Variants in AKT3 observed in about 807,000 individuals in gnomAD.
AKT3 encodes RAC-gamma serine/threonine-protein kinase.
A neutral mutation model predicts 65.3 loss-of-function variants in AKT3; 15 were observed. That is an observed-to-expected ratio of 0.23 (90% CI 0.15 to 0.35). The LOEUF is 0.35. Ranked by LOEUF, AKT3 falls within the 10% of genes least tolerant of loss-of-function variation. AKT3 has a pLI of 1.00. For missense variants in AKT3, 243 were observed against 576.5 expected, an observed-to-expected ratio of 0.42 and a Z score of 5.92; for synonymous variants, 206 against 183.8, an observed-to-expected ratio of 1.12 and a Z score of -0.98.
At chr1:243,588,719 A>G (rs1299562291) in intron 8 of AKT3, among the ~76,000 whole-genome samples, 2 of 152,190 alleles carry the variant, frequency 1.3e-5, no homozygotes, top group Non-Finnish European at 2.9e-5. Flanking sequence ...CTTATCTTTC[A>G]TCATATCAAA....
intron 2 of AKT3, among the ~76,000 whole-genome samples, chr1:243,777,793 A>C (rs546081316): frequency 6.6e-6 from 1 of 152,334 alleles, no homozygotes; most frequent in East Asian, 1.9e-4. Flanking sequence ...CTGAAAGTAC[A>C]GATACTGATT....
intron 10 of AKT3, among the ~76,000 whole-genome samples, chr1:243,559,425 G>C (rs1673620678): frequency 6.6e-6 from 1 of 152,110 alleles, no homozygotes; most frequent in South Asian, 2.1e-4. Flanking sequence ...AAAGAGATAA[G>C]AGAACAAATA....
At chr1:243,615,226 T>C (rs1372867445) in intron 6 of AKT3, 65 bp from the exon 7 acceptor site, 2 of 1,282,500 alleles carry the variant, frequency 1.6e-6, no homozygotes, top group Admixed American at 1.9e-5. Context: ...AATTTCACTA[T>C]TTCTCTAAAA....
chr1:243,745,369 A>G (rs1688417084), intron 2 of AKT3, among the ~76,000 whole-genome samples: 1 of 152,176 alleles, frequency 6.6e-6, no homozygotes, highest in African/African-American at 2.4e-5. Flanking sequence ...TGGGCATATC[A>G]ATTTTTAAGA....
At chr1:243,791,359 G>C (rs1410382444) in intron 2 of AKT3, among the ~76,000 whole-genome samples, 1 of 151,762 alleles carries the variant, frequency 6.6e-6, no homozygotes, top group Non-Finnish European at 1.5e-5. Context: ...CAATGGGTAT[G>C]AGAGGCGAAC....
In AKT3 at chr1:243,762,969, C is replaced by A. The variant is rs554309813; in HGVS notation, c.47-67253G>T. Among the ~76,000 whole-genome samples the A allele has an allele frequency of 2.0e-4, 30 of 152,070 alleles. 1 individual carries two copies. The highest frequency in any genetic ancestry group is 7.0e-4 in the African/African-American group (29 of 41,524). The stretch of plus-strand genomic sequence containing the variant: ...ATTACTCAACTATGAAATCAAATAT[C>A]AAATTTTTCTACTGAATGAAAAATT... On this transcript the variant is annotated intron_variant, in intron 2 of 13. Transcript: ENST00000673466.
At chr1:243,674,683 T>A (rs1453241754) in intron 3 of AKT3, among the ~76,000 whole-genome samples, 1 of 152,222 alleles carries the variant, frequency 6.6e-6, no homozygotes, top group Admixed American at 6.5e-5. Context: ...AAAAGATTTA[T>A]AAAAACCAAA....
chr1:243,600,929 A>C (rs1676958051), intron 8 of AKT3, among the ~76,000 whole-genome samples: 1 of 152,084 alleles, frequency 6.6e-6, no homozygotes, highest in Non-Finnish European at 1.5e-5. Flanking sequence ...TCAGGGTGAG[A>C]GTGAGGGGAG....
At position 243,500,287 on chromosome 1, in the gene AKT3, C is replaced by T. The variant is rs777772187; in HGVS notation, c.*4962G>A. On this transcript the variant is annotated 3_prime_UTR_variant, in exon 14 of 14. Coordinates refer to ENST00000673466, the MANE Select transcript of AKT3 (RefSeq NM_005465.7). Reference sequence around the variant, plus strand: ...ATCAGACTCCATTTTATTTATTTATCGTCCTACTTTGTGCACAATCAATCA... The same window carrying T: ...ATCAGACTCCATTTTATTTATTTATTGTCCTACTTTGTGCACAATCAATCA... 6.5e-5 allele frequency: 14 copies of T among 214,666 alleles called. No homozygotes were observed. Among genetic ancestry groups the T allele is most frequent in the African/African-American group, 3.2e-4 (11 of 34,100 alleles). 13.3% of individuals were successfully genotyped at this position (214,666 alleles called of 1,614,324 possible).
intron 2 of AKT3, among the ~76,000 whole-genome samples, chr1:243,696,770 G>C (rs1026846428): frequency 6.6e-6 from 1 of 151,824 alleles, no homozygotes; most frequent in Non-Finnish European, 1.5e-5. Flanking sequence ...CCCTTAATAC[G>C]TTATATCTAC....
At chr1:243,597,054 T>G (rs867537821) in intron 8 of AKT3, among the ~76,000 whole-genome samples, 5 of 152,310 alleles carry the variant, frequency 3.3e-5, no homozygotes, top group Non-Finnish European at 5.9e-5. Context: ...GGATGTACTA[T>G]GGGTACAGGG....
Position 243,693,212 on chromosome 1 carries a change from G to A in AKT3, c.172+2379C>T, listed in dbSNP as rs1299583011. Among the ~76,000 whole-genome samples the A allele has an allele frequency of 5.8e-4, 61 of 105,202 alleles. 1 individual carries two copies. Among genetic ancestry groups the A allele is most frequent in the Admixed American group, 6.0e-4 (5 of 8,394 alleles). 69.0% of individuals were successfully genotyped at this position (105,202 alleles called of 152,430 possible). On this transcript the variant is annotated intron_variant, in intron 3 of 13. Transcript: ENST00000673466. ...ATCTTTAATTATCAGAAAAATGAGG[G>A]ATATATATATCCCTTTGGTAGCTAC... is the stretch of plus-strand genomic sequence containing the variant.
Position 243,783,461 on chromosome 1 carries a change from C to T in AKT3, c.46+59664G>A, listed in dbSNP as rs186341795. On this transcript the variant is annotated intron_variant, in intron 2 of 13. Coordinates refer to ENST00000673466, the MANE Select transcript of AKT3 (RefSeq NM_005465.7). ...TGCTCAGGCCCCTTCTGTACCTCAC[C>T]CTATATCTTCATCTGGACTAGGTAT... is the stretch of plus-strand genomic sequence containing the variant. Among the ~76,000 whole-genome samples, 73 of 152,184 alleles carry T rather than the reference C, an allele frequency of 4.8e-4. 1 individual carries two copies. Among genetic ancestry groups the T allele is most frequent in the African/African-American group, 1.8e-3 (73 of 41,504 alleles).
intron 2 of AKT3, chr1:243,808,193 G>A (rs962932921): frequency 1.3e-5 from 2 of 152,182 alleles, no homozygotes; most frequent in Admixed American, 6.5e-5. Flanking sequence ...TGACTTTGAC[G>A]AGTTGAGAGC....
chr1:243,812,109 C>T (rs369180768), intron 2 of AKT3, among the ~76,000 whole-genome samples: 40 of 152,186 alleles, frequency 2.6e-4, no homozygotes, highest in East Asian at 1.4e-3. Flanking sequence ...GACATAGGCA[C>T]GGGCAAGGAC....
At chr1:243,515,554 G>A (rs1473022260) in intron 12 of AKT3, among the ~76,000 whole-genome samples, 2 of 152,112 alleles carry the variant, frequency 1.3e-5, no homozygotes, top group Non-Finnish European at 1.5e-5. Flanking sequence ...GGTTTTGAAT[G>A]TTAAATCAAT....
chr1:243,488,924 T>A (rs560441877), intron 13 of AKT3: 30 of 1,594,984 alleles, frequency 1.9e-5, no homozygotes, highest in Non-Finnish European at 2.5e-5. Context: ...TGGTTCCCTA[T>A]CAGGGGCTTC....
chr1:243,547,158 G>A (rs1672735556), intron 11 of AKT3, among the ~76,000 whole-genome samples: 1 of 151,678 alleles, frequency 6.6e-6, no homozygotes, highest in African/African-American at 2.4e-5. Context: ...TTCTTCCACT[G>A]TGGCCAGTTT....
intron 10 of AKT3, among the ~76,000 whole-genome samples, chr1:243,556,111 T>C (rs868627278): frequency 2.0e-5 from 3 of 152,118 alleles, no homozygotes; most frequent in Non-Finnish European, 2.9e-5. Flanking sequence ...GCTGTATTTC[T>C]AATAGGAGCC....
Sources: gnomAD v4.1 joint callset for allele counts (sites outside exome capture counted in the v4.1 genomes callset) on GRCh38, gnomAD v4.1.1 for gene constraint, MANE v1.5 for transcripts, NCBI Gene and HGNC (gene_info 2026-07-23, HGNC 2026-07-21) for gene names.